The following CGNL1 variants were observed in gnomAD, a reference collection of about 807,000 sequenced individuals.
CGNL1 encodes cingulin like 1.
In CGNL1, 132 loss-of-function variants were observed where a neutral mutation model predicts 141.2. The observed-to-expected ratio is 0.93, with a 90% CI of 0.81 to 1.08. The LOEUF (loss-of-function observed/expected upper bound fraction) is 1.08. Among genes scored for constraint, CGNL1 ranks in the 50% least tolerant of loss-of-function variants. The probability of loss-of-function intolerance (pLI) is 0.00; values close to 1 mark genes in which losing one functional copy is unlikely to be tolerated. For synonymous variants in CGNL1, 690 were observed against 622.1 expected (o/e 1.11, Z -1.63); for missense variants, 1,870 against 1,588.6 (o/e 1.18, Z -3.01).
chr15:57,482,067 T>C (rs1425314601), intron 8 of CGNL1, among the ~76,000 whole-genome samples: 1 of 152,208 alleles, frequency 6.6e-6, no homozygotes, highest in Non-Finnish European at 1.5e-5. Flanking sequence ...TTTGGTGAAA[T>C]ATCTATTCAT....
intron 12 of CGNL1, among the ~76,000 whole-genome samples, chr15:57,525,477 G>A (rs1308614994): frequency 1.3e-5 from 2 of 152,154 alleles, no homozygotes; most frequent in African/African-American, 4.8e-5. Flanking sequence ...CTGAGCATAT[G>A]TTTCTACCTC....
intron 8 of CGNL1, among the ~76,000 whole-genome samples, chr15:57,467,684 G>T (rs1017067638): frequency 4.7e-5 from 6 of 127,810 alleles, no homozygotes; most frequent in Non-Finnish European, 4.9e-5. Context: ...AAGAGTCTCT[G>T]TCTTTTTTTT....
At chr15:57,451,783 T>TA (rs2063325393) in intron 5 of CGNL1, among the ~76,000 whole-genome samples, 182 bp downstream of exon 5, 3 of 152,144 alleles carry the variant, frequency 2.0e-5, no homozygotes, top group Non-Finnish European at 4.4e-5. Context: ...TTTTTTTTTT[T>TA]AATGTAACCA....
intron 8 of CGNL1, among the ~76,000 whole-genome samples, chr15:57,499,613 A>T (rs996208274): frequency 1.3e-5 from 2 of 152,214 alleles, no homozygotes; most frequent in Admixed American, 1.3e-4. Flanking sequence ...TTCTCTGAGA[A>T]AGGACTCGAC....
chr15:57,417,982 G>A (rs1238719527), intron 1 of CGNL1, among the ~76,000 whole-genome samples: 1 of 152,168 alleles, frequency 6.6e-6, no homozygotes, highest in African/African-American at 2.4e-5. Flanking sequence ...ATACGAACAG[G>A]GGTGGAGGTG....
chr15:57,544,653 A>G lies in CGNL1; in HGVS notation c.3500+56A>G. ...GGCCCCAGTGGGCAGTGACAGTCCCATCGCAATGTGTTGTCACATTTGGGA... is the reference window on the plus strand; with the variant it reads ...GGCCCCAGTGGGCAGTGACAGTCCCGTCGCAATGTGTTGTCACATTTGGGA... On this transcript the variant is annotated intron_variant, in intron 16 of 18. Coordinates refer to ENST00000281282, the MANE Select transcript of CGNL1 (RefSeq NM_032866.5). 4 of 1,544,772 alleles carry G rather than the reference A, an allele frequency of 2.6e-6. No individual in the cohort carries two copies. The South Asian group carries it at 3.6e-5, about 14-fold the overall frequency.
intron 4 of CGNL1, 65 bp downstream of exon 4, chr15:57,442,543 T>C: frequency 1.0e-6 from 1 of 983,108 alleles, no homozygotes; most frequent in South Asian, 1.3e-5. Context: ...AACTTGCTGT[T>C]TCTTCAGTCT....
chr15:57,421,521 G>T (rs2062914736), intron 1 of CGNL1, among the ~76,000 whole-genome samples: 1 of 151,940 alleles, frequency 6.6e-6, no homozygotes, highest in Admixed American at 6.6e-5. Context: ...CCAGGTTAAG[G>T]GTCTGACAAG....
chr15:57,389,916 A>G (rs2062523847), intron 1 of CGNL1, among the ~76,000 whole-genome samples: 1 of 151,812 alleles, frequency 6.6e-6, no homozygotes, highest in Non-Finnish European at 1.5e-5. Flanking sequence ...CCTGGGTCCA[A>G]GCGATTCTTC....
At chr15:57,462,735 T>C (rs1319026819) in intron 8 of CGNL1, among the ~76,000 whole-genome samples, 1 of 152,256 alleles carries the variant, frequency 6.6e-6, no homozygotes, top group Non-Finnish European at 1.5e-5. Context: ...TTTTCAATTA[T>C]GGCACAGTAA....
intron 14 of CGNL1, among the ~76,000 whole-genome samples, chr15:57,532,802 G>A (rs1012902966): frequency 6.6e-6 from 1 of 152,208 alleles, no homozygotes; most frequent in African/African-American, 2.4e-5. Flanking sequence ...ATGACCCTTA[G>A]AGCCTCAGCC....
At chr15:57,536,932 A>G (rs535430497) in intron 14 of CGNL1, among the ~76,000 whole-genome samples, 2 of 152,316 alleles carry the variant, frequency 1.3e-5, no homozygotes, top group South Asian at 4.1e-4. Context: ...CTCCATTCCC[A>G]AGTTAAAAGT....
chr15:57,453,569 G>C, intron 6 of CGNL1, 114 bp from the exon 7 acceptor site: 1 of 1,349,530 alleles, frequency 7.4e-7, no homozygotes, highest in South Asian at 1.4e-5. Flanking sequence ...AGAGAATGGG[G>C]AGGCTCCTTG....
chr15:57,417,244 TTTTC>T (rs1251818091), intron 1 of CGNL1, among the ~76,000 whole-genome samples: 8 of 152,156 alleles, frequency 5.3e-5, no homozygotes, highest in Non-Finnish European at 7.3e-5. Context: ...CTTTCCTTTC[TTTTC>T]TTTCTTTCTT....
intron 8 of CGNL1, among the ~76,000 whole-genome samples, chr15:57,480,800 T>C (rs2063715618): frequency 1.3e-5 from 2 of 152,212 alleles, no homozygotes; most frequent in Non-Finnish European, 2.9e-5. Flanking sequence ...ATGCTTTTGG[T>C]TTCCAGTGAT....
rs1384544578 is a variant in CGNL1 at position 57,439,056 on chromosome 15, G to A, written c.1057G>A (p.Val353Met). The stretch of plus-strand genomic sequence containing the variant: ...TATTGATACAGGATCAATTCCTGGT[G>A]TGGATCAGTTAATTGAAAAATTTGA... ...RDIDTGSIPG[V>M]DQLIEKFDQK... is the part of the protein sequence containing the mutation. Residue 353 changes from valine to methionine, a missense_variant, in exon 2 of 19, where the codon GTG becomes ATG. By Grantham distance (21) the Val-to-Met change is conservative (BLOSUM62 1). Transcript: ENST00000281282. 5 of 1,614,198 alleles carry A rather than the reference G, an allele frequency of 3.1e-6. No homozygotes were observed. In the South Asian group the frequency reaches 4.4e-5, roughly 14 times the overall value.
Position 57,439,106 on chromosome 15 carries a change from A to C in CGNL1, c.1107A>C (p.Arg369Ser), listed in dbSNP as rs774899735. ...KFDQKPGLQR[R>S]GRSGKRNRIN... ...ATCAAAAACCTGGGCTTCAGAGAAG[A>C]GGAAGGTCTGGGAAGCGAAACAGAA... Residue 369 changes from arginine to serine, a missense_variant, in exon 2 of 19, where the codon AGA (arginine) becomes AGC (serine). Arg to Ser is a moderately radical substitution (Grantham distance 110). Coordinates refer to ENST00000281282, the MANE Select transcript of CGNL1 (RefSeq NM_032866.5). The C allele has an allele frequency of 1.9e-5, 31 of 1,614,066 alleles. No homozygotes were observed. The East Asian group carries it at 6.7e-4, about 35-fold the overall frequency.
At chr15:57,466,601 A>G (rs997219030) in intron 8 of CGNL1, among the ~76,000 whole-genome samples, 1 of 152,124 alleles carries the variant, frequency 6.6e-6, no homozygotes, top group Non-Finnish European at 1.5e-5. Flanking sequence ...AGGTACTGTC[A>G]TCATCTTCTA....
chr15:57,398,072 T>C (rs2591064), intron 1 of CGNL1, among the ~76,000 whole-genome samples: 86,509 of 152,048 alleles, frequency 0.57, 24,883 homozygotes, highest in African/African-American at 0.61. Context: ...TGAGCCACCA[T>C]ACCCAGCACC....
Sources: gnomAD v4.1 joint callset for allele counts (sites outside exome capture counted in the v4.1 genomes callset) on GRCh38, gnomAD v4.1.1 for gene constraint, MANE v1.5 for transcripts, NCBI Gene and HGNC (gene_info 2026-07-23, HGNC 2026-07-21) for gene names.